The following OR11G2 variants were observed in gnomAD, a reference collection of about 807,000 sequenced individuals.
The protein encoded by OR11G2 is olfactory receptor family 11 subfamily G member 2, also known as olfactory receptor 11G2.
In OR11G2, 2 loss-of-function variants were observed where a neutral mutation model predicts 0.9. The ratio of observed to expected loss-of-function variants is 2.35; its 90% confidence interval spans 0.96 to 7.38. OR11G2 has a LOEUF of 7.38. Ranked by LOEUF, OR11G2 falls within the 30% of genes most tolerant of loss-of-function variation. OR11G2 has a pLI of 0.05. For missense variants in OR11G2, 395 were observed against 371.3 expected (o/e 1.06, Z -0.52); for synonymous variants, 153 against 142.0 (o/e 1.08, Z -0.55).
chr14:20,192,310 G>C (rs1473659393), intron 1 of OR11G2, among the ~76,000 whole-genome samples: 1 of 152,086 alleles, frequency 6.6e-6, no homozygotes, highest in Non-Finnish European at 1.5e-5. Flanking sequence ...ATAATGAAAA[G>C]GAATCAAAAA....
In OR11G2 at chr14:20,197,914, G is replaced by C. The variant is rs745436171; in HGVS notation, c.477G>C (p.Trp159Cys). Residue 159 changes from tryptophan to cysteine, a missense_variant, in exon 2 of 2, where the codon TGG (tryptophan) becomes TGC (cysteine). Coordinates refer to ENST00000641879, the MANE Select transcript of OR11G2 (RefSeq NM_001386033.1). ...ATTGCTGGGTACTTGGTTTCATCTGGTTCTTGATTCCTATCGTCAACATCT... is the reference window on the plus strand; with the variant it reads ...ATTGCTGGGTACTTGGTTTCATCTGCTTCTTGATTCCTATCGTCAACATCT... ...VVNCWVLGFI[W>C]FLIPIVNISQ... is the part of the protein sequence containing the mutation. The C allele has an allele frequency of 3.1e-6, 5 of 1,613,860 alleles. No homozygotes were observed. In the South Asian group the frequency reaches 3.3e-5, roughly 11 times the overall value.
rs988640804 is a variant in OR11G2 at position 20,198,497 on chromosome 14, G to A, written c.*124G>A. 3 of 662,916 alleles carry A rather than the reference G, an allele frequency of 4.5e-6. No individual in the cohort carries two copies. Among genetic ancestry groups the A allele is most frequent in the Admixed American group, 2.6e-5 (1 of 37,972 alleles). 41.1% of individuals were successfully genotyped at this position (662,916 alleles called of 1,614,324 possible). A position where few individuals can be genotyped will look rare whatever the true frequency, so the allele number is the denominator to read the frequency against. The stretch of plus-strand genomic sequence containing the variant: ...TAATCCCAGCACTTTGGGAGCCCGA[G>A]GCGGGTGGATCACGAGGTCAGGAGA... On this transcript the variant is annotated 3_prime_UTR_variant, in exon 2 of 2. Transcript: ENST00000641879.
Position 20,198,296 on chromosome 14 carries a change from CCA to C in OR11G2, c.861_862del (p.Leu288AlafsTer2). Reference protein sequence around the residue: ...TVTLFYSVVTPLLNPVIYSLR... With the variant: ...TVTLFYSVVTXLLNPVIYSLR... ...GACTCTGTTTTATTCTGTTGTTACC[CCA>C]CTGCTTAACCCTGTGATATATAGTC... On this transcript the variant is annotated frameshift_variant, in exon 2 of 2. Coordinates refer to ENST00000641879, the MANE Select transcript of OR11G2 (RefSeq NM_001386033.1). LOFTEE classifies it high-confidence loss of function. 6.2e-7 allele frequency: 1 copy of C among 1,613,344 alleles called. No individual in the cohort carries two copies. The highest frequency in any genetic ancestry group is 1.1e-5 in the South Asian group (1 of 90,986).
At chr14:20,194,564 T>A (rs1240720846) in intron 1 of OR11G2, among the ~76,000 whole-genome samples, 3 of 152,108 alleles carry the variant, frequency 2.0e-5, no homozygotes, top group Non-Finnish European at 4.4e-5. Flanking sequence ...AAAATAAAAT[T>A]TTAGGAACAC....
intron 1 of OR11G2, among the ~76,000 whole-genome samples, chr14:20,192,446 T>G (rs1879672348): frequency 6.6e-6 from 1 of 152,322 alleles, no homozygotes. Flanking sequence ...TCTGTCCTAA[T>G]TCTATATCCA....
At chr14:20,195,761 AT>A (rs1594223383) in intron 1 of OR11G2, among the ~76,000 whole-genome samples, 2 of 152,022 alleles carry the variant, frequency 1.3e-5, no homozygotes, top group South Asian at 2.1e-4. Flanking sequence ...GGAGGAAAAA[AT>A]TTTTTTTCTC....
intron 1 of OR11G2, among the ~76,000 whole-genome samples, chr14:20,194,467 T>C (rs1879713570): frequency 3.3e-5 from 5 of 152,162 alleles, no homozygotes; most frequent in Admixed American, 3.3e-4. Context: ...AGATACTACA[T>C]TGAAATAAGT....
At position 20,200,604 on chromosome 14, in the gene OR11G2, T is replaced by C. The variant is rs895898192; in HGVS notation, c.*2231T>C. 3 of 152,200 alleles carry C rather than the reference T, an allele frequency of 2.0e-5. No homozygotes were observed. The highest frequency in any genetic ancestry group is 4.4e-5 in the Non-Finnish European group (3 of 68,032). 9.4% of individuals were successfully genotyped at this position (152,200 alleles called of 1,614,324 possible). On this transcript the variant is annotated 3_prime_UTR_variant, in exon 2 of 2. Coordinates refer to ENST00000641879, the MANE Select transcript of OR11G2 (RefSeq NM_001386033.1). Reference sequence around the variant, plus strand: ...CTCTATATAGGGTGACAAGGCAACCTCTATCAAAATTTAGAAGACACATAT... The same window carrying C: ...CTCTATATAGGGTGACAAGGCAACCCCTATCAAAATTTAGAAGACACATAT...
In OR11G2 at chr14:20,197,709, C is replaced by A. The variant is rs766005000; in HGVS notation, c.272C>A (p.Ser91Tyr). ...TVPSMLANFL[S>Y]DTKIISFSGC... ...CCCAGCATGCTGGCCAACTTCCTCT[C>A]TGACACCAAGATCATCTCGTTCTCT... Residue 91 changes from serine (S) to tyrosine (Y), a missense_variant, in exon 2 of 2, where the codon TCT becomes TAT. Physicochemically the swap from Ser to Tyr is moderately radical, Grantham distance 144 (BLOSUM62 -2). Coordinates refer to ENST00000641879, the MANE Select transcript of OR11G2 (RefSeq NM_001386033.1). 1 of 1,613,980 alleles carries A rather than the reference C, an allele frequency of 6.2e-7. No individual in the cohort carries two copies.
chr14:20,192,510 G>C (rs1378865238), intron 1 of OR11G2, among the ~76,000 whole-genome samples: 1 of 152,098 alleles, frequency 6.6e-6, no homozygotes, highest in African/African-American at 2.4e-5. Context: ...CTCTGGGATG[G>C]GACATGTTCT....
At position 20,191,010 on chromosome 14, in the gene OR11G2, G is replaced by A. The variant is rs770971214; in HGVS notation, c.-661G>A. ...AGAAAAGGCTACCTCTCCTCTCCAG[G>A]ACAATCAGACAGTCTCAGAGAAACT... is the stretch of plus-strand genomic sequence containing the variant. On this transcript the variant is annotated 5_prime_UTR_variant, in exon 1 of 2. Coordinates refer to ENST00000641879, the MANE Select transcript of OR11G2 (RefSeq NM_001386033.1). The A allele has an allele frequency of 6.6e-6, 1 of 152,120 alleles. No homozygotes were observed. Among genetic ancestry groups the A allele is most frequent in the Non-Finnish European group, 1.5e-5 (1 of 68,042 alleles). The allele number at this position is 152,120 out of a possible 1,614,324, so 9.4% of individuals were successfully genotyped here.
rs1165113466 is a variant in OR11G2 at position 20,198,741 on chromosome 14, A to AAC, written c.*369_*370insCA. On this transcript the variant is annotated 3_prime_UTR_variant, in exon 2 of 2. Coordinates refer to ENST00000641879, the MANE Select transcript of OR11G2 (RefSeq NM_001386033.1). ...GAGACTCTGTCTCAGGAAAAAAAAA[A>AAC]AAAAAAAACTGGTCTTATACAGTTA... 2.6e-5 allele frequency: 4 copies of AAC among 155,882 alleles called. No individual in the cohort carries two copies. The highest frequency in any genetic ancestry group is 5.7e-5 in the Non-Finnish European group (4 of 70,500). 9.7% of individuals were successfully genotyped at this position (155,882 alleles called of 1,614,324 possible). A position where few individuals can be genotyped will look rare whatever the true frequency, so the allele number is the denominator to read the frequency against.
rs2139113637 is a variant in OR11G2 at position 20,197,700 on chromosome 14, A to G, written c.263A>G (p.Asn88Ser). The change falls in exon 2 of 2, where the codon AAC (asparagine) becomes AGC (serine). Residue 88 changes from asparagine to serine, a missense_variant. Coordinates refer to ENST00000641879, the MANE Select transcript of OR11G2 (RefSeq NM_001386033.1). ...TCCACAGTCCCCAGCATGCTGGCCA[A>G]CTTCCTCTCTGACACCAAGATCATC... ...VTSTVPSMLANFLSDTKIISF... is the reference protein window; with the variant it reads ...VTSTVPSMLASFLSDTKIISF... 1 of 1,613,864 alleles carries G rather than the reference A, an allele frequency of 6.2e-7. No homozygotes were observed. Among genetic ancestry groups the G allele is most frequent in the Non-Finnish European group, 8.5e-7 (1 of 1,179,904 alleles).
Position 20,200,491 on chromosome 14 carries a change from A to G in OR11G2, c.*2118A>G, listed in dbSNP as rs1210136670. The stretch of plus-strand genomic sequence containing the variant: ...CTTTTTATCTATTAAATTGACAAAG[A>G]TCAAGAAGTTTGATTACACATTGCG... On this transcript the variant is annotated 3_prime_UTR_variant, in exon 2 of 2. Transcript: ENST00000641879. 1 of 152,224 alleles carries G rather than the reference A, an allele frequency of 6.6e-6. No homozygotes were observed. The highest frequency in any genetic ancestry group is 1.5e-5 in the Non-Finnish European group (1 of 68,044). 9.4% of individuals were successfully genotyped at this position (152,224 alleles called of 1,614,324 possible).
intron 1 of OR11G2, among the ~76,000 whole-genome samples, chr14:20,193,334 C>T (rs1339669305): frequency 2.0e-5 from 3 of 152,132 alleles, no homozygotes; most frequent in African/African-American, 7.2e-5. Context: ...GTTGGCCAGG[C>T]TGGTCTCGAA....
chr14:20,193,685 G>A (rs1258761369), intron 1 of OR11G2, among the ~76,000 whole-genome samples: 1 of 152,158 alleles, frequency 6.6e-6, no homozygotes, highest in East Asian at 1.9e-4. Context: ...TAGTTTTATA[G>A]CAACATAGGC....
rs1035984368 is a variant in OR11G2, at chr14:20,197,453, A to T, written c.16A>T (p.Ser6Cys). The stretch of plus-strand genomic sequence containing the variant: ...TCACAGGCACATGAAAATCTTCAAC[A>T]GCCCCAGCAACTCCAGCACCTTCAC... MKIFN[S>C]PSNSSTFTGF... is the part of the protein sequence containing the mutation. Residue 6 changes from serine (S) to cysteine (C), a missense_variant, in exon 2 of 2, where the codon AGC becomes TGC. By Grantham distance (112) the Ser-to-Cys change is moderately radical. Coordinates refer to ENST00000641879, the MANE Select transcript of OR11G2 (RefSeq NM_001386033.1). 1.2e-6 allele frequency: 2 copies of T among 1,613,856 alleles called. No individual in the cohort carries two copies. Among genetic ancestry groups the T allele is most frequent in the Admixed American group, 1.7e-5 (1 of 60,010 alleles).
At chr14:20,196,932 A>T (rs1879764289) in intron 1 of OR11G2, among the ~76,000 whole-genome samples, 1 of 152,380 alleles carries the variant, frequency 6.6e-6, no homozygotes, top group Non-Finnish European at 1.5e-5. Flanking sequence ...GTCAAAAGTG[A>T]CATAAAAGAA....
In OR11G2 at chr14:20,199,663, A is replaced by G. The variant is rs886908433; in HGVS notation, c.*1290A>G. On this transcript the variant is annotated 3_prime_UTR_variant, in exon 2 of 2. Transcript: ENST00000641879. ...ACAAGTTTTTCAGTCATGACCAGAA[A>G]GTTTTTTCTATTCTATCTAGATTCC... 7 of 152,172 alleles carry G rather than the reference A, an allele frequency of 4.6e-5. No homozygotes were observed. 9.4% of individuals were successfully genotyped at this position (152,172 alleles called of 1,614,324 possible).
Sources: gnomAD v4.1 joint callset for allele counts (sites outside exome capture counted in the v4.1 genomes callset) on GRCh38, gnomAD v4.1.1 for gene constraint, MANE v1.5 for transcripts, NCBI Gene and HGNC (gene_info 2026-07-23, HGNC 2026-07-21) for gene names.